Variants in SULT1A1 observed in about 807,000 individuals in gnomAD.
SULT1A1 encodes sulfotransferase family 1A member 1.
Under a neutral mutation model 36.8 loss-of-function variants are expected in SULT1A1, and 35 were observed. The observed-to-expected ratio is 0.95, with a 90% CI of 0.73 to 1.26. SULT1A1 has a LOEUF of 1.26. SULT1A1 is among the 50% of genes most tolerant of loss of function. The probability of loss-of-function intolerance (pLI) is 0.00; values close to 1 mark genes in which losing one functional copy is unlikely to be tolerated. For missense variants in SULT1A1, 309 were observed against 383.0 expected (o/e 0.81, Z 1.61); for synonymous variants, 119 against 146.0 (o/e 0.82, Z 1.33).
Position 28,608,292 on chromosome 16 carries a change from T to G in SULT1A1, c.371A>C (p.Lys124Thr). ...GTGAAACACTGTGCCCTGCCTCACC[T>G]TGACCTTCTGATCCAACAGAGTCTG... ...LPQTLLDQKV[K>T]VVYVARNAKD... is the part of the protein sequence containing the mutation. Residue 124 changes from lysine to threonine, a missense_variant and splice_region_variant, in exon 4 of 8, where the codon AAG becomes ACG. Transcript: ENST00000314752. The G allele has an allele frequency of 6.2e-7, 1 of 1,612,240 alleles. No individual in the cohort carries two copies. The highest frequency in any genetic ancestry group is 8.5e-7 in the Non-Finnish European group (1 of 1,178,574).
At chr16:28,606,612 G>A in intron 6 of SULT1A1, 149 bp downstream of exon 6, 1 of 1,299,736 alleles carries the variant, frequency 7.7e-7, no homozygotes, top group Non-Finnish European at 1.1e-6. Context: ...TGGGGCCTTA[G>A]TGGGGAGGCC....
Position 28,608,515 on chromosome 16 carries a change from C to G in SULT1A1, c.237G>C (p.Val79=), listed in dbSNP as rs770992700. The change falls in exon 3 of 8, where the codon GTG becomes GTC. Residue 79 remains valine (V), a synonymous_variant. Coordinates refer to ENST00000314752, the MANE Select transcript of SULT1A1 (RefSeq NM_001055.4). ...KCHRAPIFMR[V]PFLEFKAPGI... is the part of the protein sequence containing the mutation. ...CTGGGGCTTTGAACTCAAGGAAGGG[C>G]ACCCGCATGAAGATGGGAGCTCGGT... The G allele has an allele frequency of 1.6e-5, 25 of 1,612,500 alleles. 1 individual carries two copies. Among genetic ancestry groups the G allele is most frequent in the Middle Eastern group, 1.7e-4 (1 of 6,052 alleles).
intron 2 of SULT1A1, among the ~76,000 whole-genome samples, chr16:28,618,151 T>C (rs111389220): frequency 0.011 from 1,730 of 150,528 alleles, 13 homozygotes; most frequent in Non-Finnish European, 0.019. Flanking sequence ...AATCCTCCCA[T>C]CTCAGCTTCC....
At chr16:28,621,009 CT>C (rs1268580074) in intron 1 of SULT1A1, among the ~76,000 whole-genome samples, 3 of 151,890 alleles carry the variant, frequency 2.0e-5, no homozygotes, top group Admixed American at 2.0e-4. Flanking sequence ...TCTCGAGAAG[CT>C]GAGGCAGAAG....
In SULT1A1 at chr16:28,606,942, C is replaced by G. The variant is rs757965560; in HGVS notation, c.499+9G>C. 6.8e-6 allele frequency: 11 copies of G among 1,612,390 alleles called. No homozygotes were observed. Among genetic ancestry groups the G allele is most frequent in the African/African-American group, 4.0e-5 (3 of 74,886 alleles). ...AGCTCCACACTTTCCTTCCTCCCAT[C>G]AAACCCACCTTCTCCGACCATGAAC... On this transcript the variant is annotated intron_variant, in intron 5 of 7. Transcript: ENST00000314752.
In SULT1A1 at chr16:28,606,609, T is replaced by G. The variant is rs1188070308; in HGVS notation, c.594+152A>C. The G allele has an allele frequency of 6.3e-6, 8 of 1,276,720 alleles. No homozygotes were observed. The Admixed American group carries it at 1.5e-4, about 24-fold the overall frequency. 79.1% of individuals were successfully genotyped at this position (1,276,720 alleles called of 1,614,324 possible). ...GTGGGGCCCGCTGCCAGGTGGGGCC[T>G]TAGTGGGGAGGCCTGGGCCAAGAAG... is the stretch of plus-strand genomic sequence containing the variant. On this transcript the variant is annotated intron_variant, in intron 6 of 7. Coordinates refer to ENST00000314752, the MANE Select transcript of SULT1A1 (RefSeq NM_001055.4).
chr16:28,608,033 C>G (rs2047285860), intron 4 of SULT1A1: 1 of 425,480 alleles, frequency 2.4e-6, no homozygotes, highest in African/African-American at 2.0e-5. Context: ...GTTGCTCAGG[C>G]TGGAATGCAA....
Position 28,605,738 on chromosome 16 carries a change from G to T in SULT1A1, c.*83C>A. The T allele has an allele frequency of 1.3e-6, 2 of 1,593,222 alleles. No individual in the cohort carries two copies. Among genetic ancestry groups the T allele is most frequent in the African/African-American group, 1.3e-5 (1 of 74,706 alleles). On this transcript the variant is annotated 3_prime_UTR_variant, in exon 8 of 8. Coordinates refer to ENST00000314752, the MANE Select transcript of SULT1A1 (RefSeq NM_001055.4). ...TTACAGACATGACCTACCGTCCCGG[G>T]CCCTCAATTCATATTTTATTCTTGA...
At chr16:28,606,644 G>C in intron 6 of SULT1A1, 117 bp downstream of exon 6, 1 of 1,476,178 alleles carries the variant, frequency 6.8e-7, no homozygotes. Flanking sequence ...GGCAGGATGG[G>C]GAATCTGGTC....
At chr16:28,616,266 A>G (rs1013120432) in intron 2 of SULT1A1, among the ~76,000 whole-genome samples, 11 of 152,242 alleles carry the variant, frequency 7.2e-5, no homozygotes, top group African/African-American at 2.4e-4. Flanking sequence ...GATTAATGAT[A>G]TTCATATATA....
intron 4 of SULT1A1, 186 bp downstream of exon 4, chr16:28,608,105 A>T: frequency 1.2e-6 from 1 of 834,614 alleles, no homozygotes; most frequent in Non-Finnish European, 1.8e-6. Flanking sequence ...CTCCTGTCTC[A>T]GGCTTCGGAG....
In SULT1A1 at chr16:28,608,288, C is replaced by A. The variant is rs370859770; in HGVS notation, c.372+3G>T. 1.1e-5 allele frequency: 18 copies of A among 1,612,040 alleles called. 1 individual carries two copies. Among genetic ancestry groups the A allele is most frequent in the Admixed American group, 1.7e-5 (1 of 59,892 alleles). On this transcript the variant is annotated splice_donor_region_variant and intron_variant, in intron 4 of 7. Transcript: ENST00000314752. ...GGATGTGAAACACTGTGCCCTGCCTCACCTTGACCTTCTGATCCAACAGAG... is the reference window on the plus strand; with the variant it reads ...GGATGTGAAACACTGTGCCCTGCCTAACCTTGACCTTCTGATCCAACAGAG...
upstream of SULT1A1, chr16:28,611,037 C>T (rs1054203730): frequency 6.6e-6 from 1 of 152,326 alleles, no homozygotes; most frequent in Non-Finnish European, 1.5e-5. Flanking sequence ...CCATGGACCC[C>T]TCCTCCCTCC....
chr16:28,617,230 G>A (rs751923306), intron 2 of SULT1A1, among the ~76,000 whole-genome samples: 2 of 151,930 alleles, frequency 1.3e-5, no homozygotes, highest in Non-Finnish European at 2.9e-5. Context: ...TGCCCAGGCT[G>A]GTCTCAAATT....
At chr16:28,620,149 C>G (rs774913848) in intron 1 of SULT1A1, 1 of 1,610,760 alleles carries the variant, frequency 6.2e-7, no homozygotes, top group African/African-American at 1.3e-5. Context: ...TGCAAAAACA[C>G]CAAAAGAATT....
chr16:28,609,431 C>T (rs8057055), intron 1 of SULT1A1: 5 of 1,268,500 alleles, frequency 3.9e-6, no homozygotes, highest in Admixed American at 2.3e-5. Flanking sequence ...TACTAGGGGC[C>T]AGAGCTGCTG....
intron 1 of SULT1A1, among the ~76,000 whole-genome samples, chr16:28,620,961 T>G (rs1337639378): frequency 3.3e-5 from 5 of 151,678 alleles, no homozygotes. Flanking sequence ...AAATACAAAA[T>G]TAGCTGGGTG....
chr16:28,609,424 T>C (rs1381121501), intron 1 of SULT1A1: 9 of 1,271,956 alleles, frequency 7.1e-6, no homozygotes, highest in South Asian at 1.2e-5. Context: ...GAGCTGCTAC[T>C]AGGGGCCAGA....
At chr16:28,621,955 T>C (rs1301652717) in intron 1 of SULT1A1, among the ~76,000 whole-genome samples, 2 of 152,226 alleles carry the variant, frequency 1.3e-5, no homozygotes, top group Non-Finnish European at 1.5e-5. Flanking sequence ...CTGGGTGGAA[T>C]GAGGTCACCC....
Sources: allele counts gnomAD v4.1 joint callset (sites outside exome capture counted in the v4.1 genomes callset), GRCh38; gene constraint gnomAD v4.1.1; transcripts MANE v1.5; gene names NCBI Gene and HGNC (gene_info 2026-07-23, HGNC 2026-07-21).